Variants in LIFR observed in about 807,000 individuals in gnomAD.
LIFR encodes the protein leukemia inhibitory factor receptor.
Under a neutral mutation model 122.2 loss-of-function variants are expected in LIFR, and 84 were observed. The observed-to-expected ratio is 0.69, with a 90% confidence interval of 0.58 to 0.82. The LOEUF (loss-of-function observed/expected upper bound fraction) is 0.82. LIFR is among the 40% of genes least tolerant of loss of function. The pLI, the probability that LIFR is intolerant of heterozygous loss-of-function variation, is 0.00. For missense variants in LIFR, 1,294 were observed against 1,311.6 expected, an observed-to-expected ratio of 0.99 and a Z score of 0.21; for synonymous variants, 422 against 434.7, an observed-to-expected ratio of 0.97 and a Z score of 0.36.
chr5:38,570,391 TC>T (rs1459669833), intron 1 of LIFR, among the ~76,000 whole-genome samples: 1 of 152,242 alleles, frequency 6.6e-6, no homozygotes, highest in Non-Finnish European at 1.5e-5. Context: ...GGAGAGGACT[TC>T]ATACAGTTCT....
chr5:38,603,502 ACT>A (rs1224905813), intron 2 of LIFR, among the ~76,000 whole-genome samples: 5 of 152,314 alleles, frequency 3.3e-5, no homozygotes, highest in African/African-American at 1.2e-4. Flanking sequence ...ATCTGGTTTA[ACT>A]CTGTCCCTTC....
chr5:38,581,846 A>G (rs948047692), intron 1 of LIFR, among the ~76,000 whole-genome samples: 1 of 152,186 alleles, frequency 6.6e-6, no homozygotes, highest in Non-Finnish European at 1.5e-5. Flanking sequence ...GGAAACAATA[A>G]TGTGATCTCG....
rs1281275087 is a variant in LIFR at position 38,510,695 on chromosome 5, C to T, written c.760G>A (p.Val254Ile). The change falls in exon 7 of 20, where the codon GTT (valine) becomes ATT (isoleucine). Residue 254 changes from valine to isoleucine, a missense_variant. Physicochemically the swap from Val to Ile is conservative, Grantham distance 29 (BLOSUM62 3). Coordinates refer to ENST00000453190, the MANE Select transcript of LIFR (RefSeq NM_001127671.2). ...AGTATCACTTTATCTTGAGGAAAAA[C>T]CTTAGTCTGAGAATCAGGTATCCCT... ...ISWIPDSQTK[V>I]FPQDKVILVG... 1.9e-6 allele frequency: 3 copies of T among 1,612,408 alleles called. No homozygotes were observed. The highest frequency in any genetic ancestry group is 2.7e-5 in the African/African-American group (2 of 74,810).
chr5:38,499,776 G>A (rs1180867926), intron 11 of LIFR, among the ~76,000 whole-genome samples, 193 bp from the exon 12 acceptor site: 4 of 152,076 alleles, frequency 2.6e-5, no homozygotes, highest in African/African-American at 4.8e-5. Context: ...CCCTCGAATG[G>A]GTGAAAATCT....
At chr5:38,561,251 A>G (rs1440937526), upstream of LIFR, among the ~76,000 whole-genome samples, 1 of 152,214 alleles carries the variant, frequency 6.6e-6, no homozygotes, top group African/African-American at 2.4e-5. Context: ...TTGGTGGCAT[A>G]CAGAGCTAAT....
chr5:38,570,383 A>G (rs1749170365), intron 1 of LIFR, among the ~76,000 whole-genome samples: 1 of 152,198 alleles, frequency 6.6e-6, no homozygotes, highest in Admixed American at 6.5e-5. Context: ...GATTCTGTGG[A>G]GAGGACTTCA....
Position 38,511,650 on chromosome 5 carries a change from G to C in LIFR, c.736+140C>G. The stretch of plus-strand genomic sequence containing the variant: ...AGACTTTTTGATCAAAATCTCCAGG[G>C]ATGGTGGGCTTAGACGCTCCCAGGT... On this transcript the variant is annotated intron_variant, in intron 6 of 19. Coordinates refer to ENST00000453190, the MANE Select transcript of LIFR (RefSeq NM_001127671.2). The C allele has an allele frequency of 4.0e-6, 3 of 745,476 alleles. No individual in the cohort carries two copies. In the South Asian group the frequency reaches 5.3e-5, roughly 13 times the overall value. 46.2% of individuals were successfully genotyped at this position (745,476 alleles called of 1,614,324 possible). A position where few individuals can be genotyped will look rare whatever the true frequency, so the allele number is the denominator to read the frequency against.
intron 7 of LIFR, among the ~76,000 whole-genome samples, chr5:38,510,184 T>C (rs1462656291): frequency 6.6e-6 from 1 of 152,244 alleles, no homozygotes; most frequent in East Asian, 1.9e-4. Context: ...ACAAAGCTGT[T>C]AACTAAGAAT....
Position 38,506,021 on chromosome 5 carries a change from C to T in LIFR, c.1175G>A (p.Ser392Asn), listed in dbSNP as rs190587141. 1.9e-6 allele frequency: 3 copies of T among 1,607,272 alleles called. No individual in the cohort carries two copies. In the Admixed American group the frequency reaches 5.0e-5, roughly 27 times the overall value. The change falls in exon 9 of 20, where the codon AGC becomes AAC. Residue 392 changes from serine to asparagine, a missense_variant. By Grantham distance (46) the Ser-to-Asn change is conservative. Transcript: ENST00000453190. Reference protein sequence around the residue: ...LKRAEAPTNESYQLLFQMLPN... With the variant: ...LKRAEAPTNENYQLLFQMLPN... ...AAGCATTTGAAATAATAATTGATAG[C>T]TTTCGTTTGTAGGTGCTTCAGCTCT...
intron 16 of LIFR, 111 bp downstream of exon 16, chr5:38,488,967 A>G: frequency 1.2e-6 from 1 of 819,548 alleles, no homozygotes; most frequent in South Asian, 1.5e-5. Context: ...TATCTTTCAG[A>G]TAGTTTTGAA....
At chr5:38,560,540 A>G (rs569881387), upstream of LIFR, among the ~76,000 whole-genome samples, 3 of 151,668 alleles carry the variant, frequency 2.0e-5, no homozygotes, top group East Asian at 5.8e-4. Context: ...TTGATAAATT[A>G]TATCTCTAGC....
Position 38,478,770 on chromosome 5 carries a change from C to T in LIFR, c.*2825G>A, listed in dbSNP as rs952292818. On this transcript the variant is annotated 3_prime_UTR_variant, in exon 20 of 20. Transcript: ENST00000453190. ...AATGTGTCTTACATGAATTACTATC[C>T]CACAGATATGATGGAACATAATGCT... 3 of 217,768 alleles carry T rather than the reference C, an allele frequency of 1.4e-5. No homozygotes were observed. Among genetic ancestry groups the T allele is most frequent in the African/African-American group, 2.3e-5 (1 of 44,424 alleles). 13.5% of individuals were successfully genotyped at this position (217,768 alleles called of 1,614,324 possible).
chr5:38,537,546 G>A (rs925667881), intron 1 of LIFR, among the ~76,000 whole-genome samples: 1 of 152,054 alleles, frequency 6.6e-6, no homozygotes, highest in Non-Finnish European at 1.5e-5. Flanking sequence ...TAAACAACCT[G>A]AAGAACATTC....
At position 38,476,646 on chromosome 5, in the gene LIFR, A is replaced by G. The variant is rs1318074020; in HGVS notation, c.*4949T>C. 1 of 205,264 alleles carries G rather than the reference A, an allele frequency of 4.9e-6. No homozygotes were observed. Among genetic ancestry groups the G allele is most frequent in the Admixed American group, 6.0e-5 (1 of 16,740 alleles). 12.7% of individuals were successfully genotyped at this position (205,264 alleles called of 1,614,324 possible). ...TCCCCACTCACATCTCTTAGTTTTT[A>G]GGGTATTCAGTCCCAGCAACCAAAA... is the stretch of plus-strand genomic sequence containing the variant. On this transcript the variant is annotated 3_prime_UTR_variant, in exon 20 of 20. Transcript: ENST00000453190.
Position 38,589,587 on chromosome 5 carries a change from G to T in LIFR, c.-20+5674C>A, listed in dbSNP as rs371114107. On this transcript the variant is annotated intron_variant, in intron 1 of 19. Transcript: ENST00000263409. Reference sequence around the variant, plus strand: ...TTAAAAAAATGGGAAAAGGGTTAAGGATAAGATTTGATAACCTTATTCCAT... The same window carrying T: ...TTAAAAAAATGGGAAAAGGGTTAAGTATAAGATTTGATAACCTTATTCCAT... Among the ~76,000 whole-genome samples the T allele has an allele frequency of 8.3e-4, 126 of 152,236 alleles. 2 individuals carry two copies. Among genetic ancestry groups the T allele is most frequent in the African/African-American group, 2.8e-3 (117 of 41,528 alleles).
intron 4 of LIFR, among the ~76,000 whole-genome samples, chr5:38,525,156 G>A (rs1053128066): frequency 1.3e-5 from 2 of 152,206 alleles, no homozygotes; most frequent in African/African-American, 4.8e-5. Context: ...CTCCCTAAGG[G>A]CGGATAAATC....
intron 12 of LIFR, among the ~76,000 whole-genome samples, 160 bp downstream of exon 12, chr5:38,499,353 C>A (rs1051942393): frequency 6.6e-6 from 1 of 151,972 alleles, no homozygotes; most frequent in African/African-American, 2.4e-5. Context: ...TTAGGAGTGA[C>A]GAGGAATTTG....
chr5:38,506,419 G>T (rs1745485649), intron 8 of LIFR, 84 bp downstream of exon 8: 4 of 1,474,370 alleles, frequency 2.7e-6, no homozygotes, highest in East Asian at 4.5e-5. Flanking sequence ...TAACATAAAT[G>T]ATCTAGTGCA....
At chr5:38,499,795 G>T (rs1347608537) in intron 11 of LIFR, among the ~76,000 whole-genome samples, 1 of 152,002 alleles carries the variant, frequency 6.6e-6, no homozygotes, top group East Asian at 1.9e-4. Context: ...CTACCTGCAG[G>T]CCAGCTGTAC....
Sources: gnomAD v4.1 joint callset for allele counts (sites outside exome capture counted in the v4.1 genomes callset) on GRCh38, gnomAD v4.1.1 for gene constraint, MANE v1.5 for transcripts, NCBI Gene and HGNC (gene_info 2026-07-23, HGNC 2026-07-21) for gene names.